NELL1: variants seen among roughly 807,000 people sequenced by gnomAD.
The protein encoded by NELL1 is protein kinase C-binding protein NELL1.
A neutral mutation model predicts 107.4 loss-of-function variants in NELL1; 76 were observed. That is an observed-to-expected ratio of 0.71 (90% CI 0.59 to 0.86). The LOEUF (loss-of-function observed/expected upper bound fraction) is 0.86, where lower values mean the gene tolerates loss of function less well. Among genes scored for constraint, NELL1 ranks in the 40% least tolerant of loss-of-function variants. NELL1 has a pLI of 0.00. For synonymous variants in NELL1, 353 were observed against 341.2 expected (o/e 1.03, Z -0.38); for missense variants, 1,024 against 1,005.5 (o/e 1.02, Z -0.25).
In NELL1 at chr11:21,250,554, A is replaced by G. The variant is rs147098933; in HGVS notation, c.1549+21100A>G. Among the ~76,000 whole-genome samples the G allele has an allele frequency of 7.6e-4, 115 of 152,296 alleles. 1 individual carries two copies. The highest frequency in any genetic ancestry group is 2.7e-3 in the African/African-American group (111 of 41,562). The stretch of plus-strand genomic sequence containing the variant: ...GCCTATAGCCTAATCACCTAGATAG[A>G]TAAGGAAAGTTGTCATATTTTGTCT... On this transcript the variant is annotated intron_variant, in intron 14 of 19. Coordinates refer to ENST00000357134, the MANE Select transcript of NELL1 (RefSeq NM_006157.5).
At chr11:21,410,265 A>G (rs1446831440) in intron 15 of NELL1, among the ~76,000 whole-genome samples, 6 of 152,062 alleles carry the variant, frequency 3.9e-5, no homozygotes, top group African/African-American at 1.4e-4. Flanking sequence ...AGTATTCACT[A>G]CCTGTGCCAT....
chr11:21,537,947 A>G (rs1454541218), intron 16 of NELL1, among the ~76,000 whole-genome samples: 3 of 152,174 alleles, frequency 2.0e-5, no homozygotes, highest in East Asian at 3.9e-4. Context: ...GAATATGGTT[A>G]TGAACAAGTT....
chr11:21,190,819 A>C (rs1565103076), intron 13 of NELL1, among the ~76,000 whole-genome samples: 1 of 151,922 alleles, frequency 6.6e-6, no homozygotes, highest in Non-Finnish European at 1.5e-5. Context: ...CTGGAGAAAG[A>C]GATTATAGCC....
chr11:21,446,109 C>G (rs1327020263), intron 15 of NELL1, among the ~76,000 whole-genome samples: 1 of 151,906 alleles, frequency 6.6e-6, no homozygotes, highest in South Asian at 2.1e-4. Flanking sequence ...TTCTGCTTGA[C>G]CAATTCTGCT....
chr11:21,095,157 C>T (rs1325843117), intron 12 of NELL1, among the ~76,000 whole-genome samples: 1 of 152,194 alleles, frequency 6.6e-6, no homozygotes, highest in East Asian at 1.9e-4. Context: ...ATCTCTAGGG[C>T]AGGGGCAAAA....
intron 19 of NELL1, among the ~76,000 whole-genome samples, chr11:21,574,325 A>G (rs75880197): frequency 0.027 from 4,063 of 151,770 alleles, 205 homozygotes; most frequent in African/African-American, 0.093. Flanking sequence ...CAGACCTCAT[A>G]TAGAAAAAGG....
rs958993111 is a variant in NELL1, at chr11:20,674,497, A to T, written c.56-3435A>T. On this transcript the variant is annotated intron_variant, in intron 1 of 19. Transcript: ENST00000357134. ...CATGAAATTTCCTACAGCAGAAGAT[A>T]TGAAGCCACCCGTGTTATCGCTGAT... 3 of 1,535,994 alleles carry T rather than the reference A, an allele frequency of 2.0e-6. No individual in the cohort carries two copies. The African/African-American group carries it at 4.1e-5, about 21-fold the overall frequency.
intron 8 of NELL1, among the ~76,000 whole-genome samples, chr11:20,927,956 T>A (rs924926271): frequency 1.3e-5 from 2 of 152,142 alleles, no homozygotes; most frequent in African/African-American, 4.8e-5. Context: ...AACATCCCCC[T>A]CCAAAAATTA....
At chr11:21,443,179 G>C (rs1295716585) in intron 15 of NELL1, among the ~76,000 whole-genome samples, 1 of 151,740 alleles carries the variant, frequency 6.6e-6, no homozygotes, top group Admixed American at 6.6e-5. Flanking sequence ...AGGTCAAAGG[G>C]AGAAAAAAAA....
At chr11:21,570,610 G>A (rs898341523) in intron 17 of NELL1, among the ~76,000 whole-genome samples, 154 bp from the exon 18 acceptor site, 1 of 151,614 alleles carries the variant, frequency 6.6e-6, no homozygotes, top group Non-Finnish European at 1.5e-5. Context: ...GGAAAGAAAG[G>A]GTGTGTTTGT....
At chr11:21,516,858 G>A (rs1350379513) in intron 15 of NELL1, among the ~76,000 whole-genome samples, 1 of 151,168 alleles carries the variant, frequency 6.6e-6, no homozygotes, top group African/African-American at 2.4e-5. Context: ...AGGCTGAAGT[G>A]CAGTGGCATG....
intron 13 of NELL1, among the ~76,000 whole-genome samples, chr11:21,189,149 T>C (rs1200092815): frequency 6.6e-6 from 1 of 152,040 alleles, no homozygotes; most frequent in Admixed American, 6.5e-5. Context: ...ATGTAGCTCT[T>C]CATTTTAATT....
In NELL1 at chr11:20,669,778, G is replaced by A. The variant is rs371377865; in HGVS notation, c.55G>A (p.Val19Met). Residue 19 changes from valine to methionine, a missense_variant and splice_region_variant, in exon 1 of 20, where the codon GTG becomes ATG. Val to Met is a conservative substitution (Grantham distance 21). Coordinates refer to ENST00000357134, the MANE Select transcript of NELL1 (RefSeq NM_006157.5). This position sits in a 1 kb window ranked among gnomAD's most constrained non-coding sequence, Gnocchi z 4.4. The stretch of plus-strand genomic sequence containing the variant: ...GTTCTGTGTGTGCACTGCCAGGACA[G>A]GTAAGCATGACTGTGGCGGTTAGAG... ...VWFCVCTART[V>M]VGFGMDPDLQ... The A allele has an allele frequency of 6.8e-6, 11 of 1,613,094 alleles. No homozygotes were observed. Among genetic ancestry groups the A allele is most frequent in the Non-Finnish European group, 9.3e-6 (11 of 1,179,290 alleles).
intron 15 of NELL1, among the ~76,000 whole-genome samples, chr11:21,415,469 C>T (rs1852493237): frequency 6.6e-6 from 1 of 152,154 alleles, no homozygotes; most frequent in East Asian, 1.9e-4. Flanking sequence ...ACTTTCTCTT[C>T]TTGTTGATCT....
intron 14 of NELL1, among the ~76,000 whole-genome samples, chr11:21,357,275 G>C (rs1004112911): frequency 6.6e-6 from 1 of 152,182 alleles, no homozygotes; most frequent in African/African-American, 2.4e-5. Context: ...CTCACCAGCA[G>C]TGTAAAAGTG....
chr11:20,732,098 T>C (rs1855659682), intron 2 of NELL1, among the ~76,000 whole-genome samples: 1 of 152,036 alleles, frequency 6.6e-6, no homozygotes, highest in Non-Finnish European at 1.5e-5. Flanking sequence ...TTTTGGAGTC[T>C]TTTTTTTCTC....
At chr11:20,957,585 A>G (rs7118352) in intron 11 of NELL1, among the ~76,000 whole-genome samples, 46,034 of 152,052 alleles carry the variant, frequency 0.3, 8,752 homozygotes, top group African/African-American at 0.51. Context: ...TAGATGTGCA[A>G]AGCCTGAAGA....
At chr11:20,816,884 G>A (rs1428170620) in intron 3 of NELL1, among the ~76,000 whole-genome samples, 4 of 152,010 alleles carry the variant, frequency 2.6e-5, no homozygotes, top group East Asian at 1.9e-4. Context: ...CCTTTGCTAC[G>A]TCTATTGAGA....
intron 14 of NELL1, among the ~76,000 whole-genome samples, chr11:21,234,594 G>C (rs1311947465): frequency 6.6e-6 from 1 of 152,150 alleles, no homozygotes; most frequent in Non-Finnish European, 1.5e-5. Context: ...GAAACTCCAG[G>C]AACATAGGTG....
Sources: allele counts gnomAD v4.1 joint callset (sites outside exome capture counted in the v4.1 genomes callset), GRCh38; gene constraint gnomAD v4.1.1; non-coding constraint Gnocchi (gnomAD v3.1); transcripts MANE v1.5; gene names NCBI Gene and HGNC (gene_info 2026-07-23, HGNC 2026-07-21).